The following SLC6A9 variants were observed in gnomAD, a reference collection of about 807,000 sequenced individuals.
The protein encoded by SLC6A9 is sodium- and chloride-dependent glycine transporter 1.
A neutral mutation model predicts 70.9 loss-of-function variants in SLC6A9; 31 were observed. The ratio of observed to expected loss-of-function variants is 0.44; its 90% CI spans 0.33 to 0.59. The LOEUF is 0.59. Among genes scored for constraint, SLC6A9 ranks in the 20% least tolerant of loss-of-function variants. SLC6A9 has a pLI of 0.04. For synonymous variants in SLC6A9, 310 were observed against 341.3 expected, an observed-to-expected ratio of 0.91 and a Z score of 1.01; for missense variants, 631 against 845.2, an observed-to-expected ratio of 0.75 and a Z score of 3.14.
intron 2 of SLC6A9, 65 bp downstream of exon 2, chr1:44,024,183 C>T: frequency 6.6e-7 from 1 of 1,523,868 alleles, no homozygotes; most frequent in Non-Finnish European, 9.1e-7. Flanking sequence ...AAGCAGCTGG[C>T]AGGAGGTCCT....
At chr1:44,016,714 AG>A (rs1285742620) in intron 2 of SLC6A9, among the ~76,000 whole-genome samples, 1 of 151,382 alleles carries the variant, frequency 6.6e-6, no homozygotes, top group Non-Finnish European at 1.5e-5. Flanking sequence ...TGTATTGATT[AG>A]TACAATTCCT....
Position 44,024,309 on chromosome 1 carries a change from G to C in SLC6A9, c.-32C>G, listed in dbSNP as rs199542510. ...GGTGGGTTGGGGCTCTGGTGACGGG[G>C]ACCACACTCACAGGCTCTGCTTCCA... On this transcript the variant is annotated 5_prime_UTR_variant, in exon 2 of 14. Coordinates refer to ENST00000372310, the MANE Select transcript of SLC6A9 (RefSeq NM_001024845.3). The C allele has an allele frequency of 2.1e-5, 34 of 1,613,724 alleles. No individual in the cohort carries two copies. Among genetic ancestry groups the C allele is most frequent in the Admixed American group, 5.0e-5 (3 of 60,010 alleles).
chr1:44,002,234 C>T lies in SLC6A9; in HGVS notation c.962+79G>A. On this transcript the variant is annotated intron_variant, in intron 8 of 13. Transcript: ENST00000372310. This position sits in a 1 kb window ranked among gnomAD's most constrained non-coding sequence, Gnocchi z 5.5. ...TGAGGGGAAAGGAGGCCTCGTGGGC[C>T]CATGGCTGCACTGGAGCTGAGATCA... The T allele has an allele frequency of 1.0e-6, 1 of 989,522 alleles. No homozygotes were observed. Among genetic ancestry groups the T allele is most frequent in the Non-Finnish European group, 1.6e-6 (1 of 613,220 alleles). The allele number at this position is 989,522 out of a possible 1,614,324, so 61.3% of individuals were successfully genotyped here.
chr1:44,003,385 A>G (rs1246451926), intron 5 of SLC6A9, among the ~76,000 whole-genome samples: 1 of 152,250 alleles, frequency 6.6e-6, no homozygotes, highest in East Asian at 1.9e-4. Flanking sequence ...TCCTCCAGGA[A>G]GCCACCAGTG....
rs987532892 is a variant in SLC6A9 at position 44,018,499 on chromosome 1, C to T, written c.30+5749G>A. 6.6e-6 allele frequency among the ~76,000 whole-genome samples: 1 copy of T among 151,720 alleles called. No homozygotes were observed. Among genetic ancestry groups the T allele is most frequent in the Admixed American group, 6.6e-5 (1 of 15,224 alleles). ...ATCCCAGCTACTCGGGAGGCTGAGG[C>T]GGGAGAATCGCTTGAACCCGGGAGG... On this transcript the variant is annotated intron_variant, in intron 2 of 13. Transcript: ENST00000372310. This position sits in a 1 kb window ranked among gnomAD's most constrained non-coding sequence, Gnocchi z 4.2.
chr1:44,006,478 C>A (rs368604439), intron 5 of SLC6A9, among the ~76,000 whole-genome samples: 4 of 148,276 alleles, frequency 2.7e-5, no homozygotes, highest in African/African-American at 7.5e-5. Context: ...ATCCCAGCTA[C>A]TAGGGAGGCT....
chr1:44,001,359 A>C lies in SLC6A9; in HGVS notation c.1200+31T>G, dbSNP rs1403229520. On this transcript the variant is annotated intron_variant, in intron 9 of 13. Transcript: ENST00000372310. Reference sequence around the variant, plus strand: ...CTTGTTCCTGTCCCCTCCCTTCCCCAAGCCTCCGGTCCACGTCCTGCACCT... The same window carrying C: ...CTTGTTCCTGTCCCCTCCCTTCCCCCAGCCTCCGGTCCACGTCCTGCACCT... The C allele has an allele frequency of 1.9e-6, 3 of 1,612,872 alleles. No homozygotes were observed. The South Asian group carries it at 3.3e-5, about 18-fold the overall frequency.
Position 44,024,291 on chromosome 1 carries a change from T to G in SLC6A9, c.-14A>C. 1 of 1,614,180 alleles carries G rather than the reference T, an allele frequency of 6.2e-7. No homozygotes were observed. The highest frequency in any genetic ancestry group is 8.5e-7 in the Non-Finnish European group (1 of 1,180,002). On this transcript the variant is annotated 5_prime_UTR_variant, in exon 2 of 14. Coordinates refer to ENST00000372310, the MANE Select transcript of SLC6A9 (RefSeq NM_001024845.3). Reference sequence around the variant, plus strand: ...TTTTCCTACCATGGCGGCGGTGGGTTGGGGCTCTGGTGACGGGGACCACAC... The same window carrying G: ...TTTTCCTACCATGGCGGCGGTGGGTGGGGGCTCTGGTGACGGGGACCACAC...
At chr1:44,017,779 G>A (rs980715776) in intron 2 of SLC6A9, among the ~76,000 whole-genome samples, 3 of 152,262 alleles carry the variant, frequency 2.0e-5, no homozygotes, top group Non-Finnish European at 2.9e-5. Context: ...AGTGAACCAC[G>A]CTGTCAGCTG....
rs978335410 is a variant in SLC6A9 at position 44,018,881 on chromosome 1, G to T, written c.30+5367C>A. 6.6e-6 allele frequency among the ~76,000 whole-genome samples: 1 copy of T among 152,120 alleles called. No individual in the cohort carries two copies. Among genetic ancestry groups the T allele is most frequent in the Non-Finnish European group, 1.5e-5 (1 of 68,034 alleles). ...GACGTTGGAAGTTGTAGTGAGCTAT[G>T]ATCACACCACTGCACTCCAAACTGG... On this transcript the variant is annotated intron_variant, in intron 2 of 13. Transcript: ENST00000372310. The surrounding 1 kb of genome is among the most constrained non-coding windows in gnomAD (Gnocchi z 4.2).
intron 5 of SLC6A9, among the ~76,000 whole-genome samples, chr1:44,004,542 C>T (rs114382918): frequency 0.039 from 5,872 of 151,984 alleles, 148 homozygotes; most frequent in East Asian, 0.12. Context: ...GATATGGTAT[C>T]GCCATATTGC....
At chr1:44,007,776 C>T (rs1055550037) in intron 5 of SLC6A9, among the ~76,000 whole-genome samples, 4 of 152,150 alleles carry the variant, frequency 2.6e-5, no homozygotes, top group Non-Finnish European at 4.4e-5. Context: ...CAGGATCTGC[C>T]CCCCTTTCCC....
Position 43,997,286 on chromosome 1 carries a change from A to G in SLC6A9, c.*259T>C. ...CAGGCTGCTGGGGACCTGGCCCGAG[A>G]CCCCTCCAAAGTGCTTTGGACCTCC... is the stretch of plus-strand genomic sequence containing the variant. On this transcript the variant is annotated 3_prime_UTR_variant, in exon 14 of 14. Coordinates refer to ENST00000372310, the MANE Select transcript of SLC6A9 (RefSeq NM_001024845.3). This position sits in a 1 kb window ranked among gnomAD's most constrained non-coding sequence, Gnocchi z 4.4. The G allele has an allele frequency of 1.9e-6, 1 of 513,190 alleles. No homozygotes were observed. Among genetic ancestry groups the G allele is most frequent in the Non-Finnish European group, 3.5e-6 (1 of 289,768 alleles). The allele number at this position is 513,190 out of a possible 1,614,324, so 31.8% of individuals were successfully genotyped here. A position where few individuals can be genotyped will look rare whatever the true frequency, so the allele number is the denominator to read the frequency against.
intron 1 of SLC6A9, among the ~76,000 whole-genome samples, chr1:44,030,156 G>C (rs559666265): frequency 6.6e-6 from 1 of 152,104 alleles, no homozygotes; most frequent in Non-Finnish European, 1.5e-5. Context: ...GCGGGCAGGG[G>C]CGCGGTCGGT....
chr1:44,018,182 G>A lies in SLC6A9; in HGVS notation c.30+6066C>T, dbSNP rs1439677267. On this transcript the variant is annotated intron_variant, in intron 2 of 13. Transcript: ENST00000372310. The surrounding 1 kb of genome is among the most constrained non-coding windows in gnomAD (Gnocchi z 4.2). ...TACCACAGGACCTCAGGAAATATCAGTCAGATGGACACGTGCATGAATTCT... is the reference window on the plus strand; with the variant it reads ...TACCACAGGACCTCAGGAAATATCAATCAGATGGACACGTGCATGAATTCT... Among the ~76,000 whole-genome samples the A allele has an allele frequency of 1.3e-5, 2 of 152,218 alleles. 1 individual carries two copies. The highest frequency in any genetic ancestry group is 2.9e-5 in the Non-Finnish European group (2 of 68,036).
At chr1:44,005,812 T>C (rs1384241237) in intron 5 of SLC6A9, among the ~76,000 whole-genome samples, 1 of 152,244 alleles carries the variant, frequency 6.6e-6, no homozygotes, top group Admixed American at 6.5e-5. Context: ...TTCAGGGCCA[T>C]TTCCCTGGAT....
chr1:44,027,541 G>A (rs2087004181), intron 1 of SLC6A9, among the ~76,000 whole-genome samples: 1 of 152,184 alleles, frequency 6.6e-6, no homozygotes, highest in Admixed American at 6.5e-5. Context: ...GGCCACAGCT[G>A]GACTCATTTA....
chr1:44,031,002 C>T (rs1457858092), intron 1 of SLC6A9, among the ~76,000 whole-genome samples: 1 of 151,484 alleles, frequency 6.6e-6, no homozygotes, highest in East Asian at 2.0e-4. Context: ...CCCCCCGCCA[C>T]CCCACGCAGG....
In SLC6A9 at chr1:44,001,520, G is replaced by T; in HGVS notation, c.1070C>A (p.Ser357Tyr). 2 of 1,614,252 alleles carry T rather than the reference G, an allele frequency of 1.2e-6. No homozygotes were observed. Among genetic ancestry groups the T allele is most frequent in the Non-Finnish European group, 1.7e-6 (2 of 1,180,026 alleles). Residue 357 changes from serine (S) to tyrosine (Y), a missense_variant, in exon 9 of 14, where the codon TCC (serine) becomes TAC (tyrosine). Ser to Tyr is a moderately radical substitution (Grantham distance 144). Coordinates refer to ENST00000372310, the MANE Select transcript of SLC6A9 (RefSeq NM_001024845.3). ...GCCAGGGCCGTGGTCTGCCACACGGGACACATCCACGCCCAGGTGATTGGC... is the reference window on the plus strand; with the variant it reads ...GCCAGGGCCGTGGTCTGCCACACGGTACACATCCACGCCCAGGTGATTGGC... ...FMANHLGVDV[S>Y]RVADHGPGLA...
Sources: allele counts gnomAD v4.1 joint callset (sites outside exome capture counted in the v4.1 genomes callset), GRCh38; gene constraint gnomAD v4.1.1; non-coding constraint Gnocchi (gnomAD v3.1); transcripts MANE v1.5; gene names NCBI Gene and HGNC (gene_info 2026-07-23, HGNC 2026-07-21).